Variants in CA10 observed in about 807,000 individuals in gnomAD.
CA10 encodes carbonic anhydrase 10 (inactive).
In CA10, 14 loss-of-function variants were observed where a neutral mutation model predicts 44.2. That is an observed-to-expected ratio of 0.32 (90% CI 0.21 to 0.50). The LOEUF (loss-of-function observed/expected upper bound fraction) is 0.50. Among genes scored for constraint, CA10 ranks in the 20% least tolerant of loss-of-function variants. CA10 has a pLI of 0.99. For missense variants in CA10, 350 were observed against 409.7 expected, an observed-to-expected ratio of 0.85 and a Z score of 1.26; for synonymous variants, 159 against 141.6, an observed-to-expected ratio of 1.12 and a Z score of -0.87.
rs1260997535 is a variant in CA10, at chr17:51,869,350, T to C, written c.279+61640A>G. Among the ~76,000 whole-genome samples the C allele has an allele frequency of 6.6e-5, 10 of 152,286 alleles. No individual in the cohort carries two copies. The East Asian group carries it at 9.7e-4, about 15-fold the overall frequency. ...GGTCAGAAAGCCTAAGAGCTGGTCT[T>C]CCTGGTCCTGCCATCAACTCACTTT... On this transcript the variant is annotated intron_variant, in intron 3 of 8. Transcript: ENST00000451037.
rs186589294 is a variant in CA10 at position 52,147,539 on chromosome 17, G to A, written c.61+10187C>T. Among the ~76,000 whole-genome samples the A allele has an allele frequency of 1.4e-4, 21 of 147,534 alleles. No homozygotes were observed. The East Asian group carries it at 3.5e-3, about 25-fold the overall frequency. ...CTAACTTATACACTTAAAATTGCATGTGGCTCTCATTCAACCAATAAAACT... is the reference window on the plus strand; with the variant it reads ...CTAACTTATACACTTAAAATTGCATATGGCTCTCATTCAACCAATAAAACT... On this transcript the variant is annotated intron_variant, in intron 1 of 8. Transcript: ENST00000451037.
intron 4 of CA10, among the ~76,000 whole-genome samples, chr17:51,705,764 G>A (rs1338678627): frequency 6.6e-6 from 1 of 152,140 alleles, no homozygotes; most frequent in Non-Finnish European, 1.5e-5. Flanking sequence ...AACCAAAATG[G>A]ATGCAACAAT....
At chr17:51,916,943 C>A (rs549552164) in intron 3 of CA10, among the ~76,000 whole-genome samples, 1 of 152,282 alleles carries the variant, frequency 6.6e-6, no homozygotes, top group East Asian at 1.9e-4. Flanking sequence ...CTGAGGCTTT[C>A]TTTCCAACAC....
chr17:51,911,057 G>A (rs374776981), intron 3 of CA10, among the ~76,000 whole-genome samples: 4 of 152,254 alleles, frequency 2.6e-5, no homozygotes, highest in Admixed American at 6.5e-5. Flanking sequence ...AAGTGGAGAC[G>A]GCTGTGGGCC....
intron 3 of CA10, among the ~76,000 whole-genome samples, chr17:51,794,061 G>C (rs1906619071): frequency 6.6e-6 from 1 of 152,242 alleles, no homozygotes; most frequent in South Asian, 2.1e-4. Flanking sequence ...GAACTAGGCA[G>C]GACAGATATT....
intron 3 of CA10, among the ~76,000 whole-genome samples, chr17:51,835,592 G>A (rs949670208): frequency 7.9e-5 from 12 of 152,154 alleles, no homozygotes; most frequent in East Asian, 1.9e-4. Context: ...GTTATCTTTC[G>A]ATTCAACAAA....
chr17:52,100,867 G>A (rs547288142), intron 1 of CA10, among the ~76,000 whole-genome samples: 1 of 152,292 alleles, frequency 6.6e-6, no homozygotes, highest in African/African-American at 2.4e-5. Context: ...GGTCTTTCTT[G>A]TACTGTATTA....
intron 3 of CA10, among the ~76,000 whole-genome samples, chr17:51,890,952 C>A (rs1334011688): frequency 6.6e-6 from 1 of 150,958 alleles, no homozygotes; most frequent in Non-Finnish European, 1.5e-5. Context: ...GCACTGCAAA[C>A]AAGGCCATAT....
intron 2 of CA10, among the ~76,000 whole-genome samples, chr17:52,007,385 C>T (rs955767287): frequency 1.3e-5 from 2 of 151,496 alleles, no homozygotes; most frequent in African/African-American, 2.4e-5. Context: ...TTGGTGGATA[C>T]TCTTCAATAG....
At chr17:51,663,286 A>T (rs111725303) in intron 4 of CA10, among the ~76,000 whole-genome samples, 11 of 4,494 alleles carry the variant, frequency 2.4e-3, no homozygotes, top group African/African-American at 0.013. Flanking sequence ...AACTTCTTAT[A>T]AAGGAGCTGC....
intron 4 of CA10, among the ~76,000 whole-genome samples, chr17:51,684,802 T>C (rs1914955659): frequency 6.6e-6 from 1 of 152,168 alleles, no homozygotes; most frequent in Admixed American, 6.5e-5. Flanking sequence ...TTTGATTATA[T>C]CTCACTCCTC....
intron 4 of CA10, among the ~76,000 whole-genome samples, chr17:51,688,038 C>T (rs1039700464): frequency 3.9e-5 from 6 of 152,162 alleles, no homozygotes; most frequent in African/African-American, 1.4e-4. Flanking sequence ...TTCTTATGCT[C>T]CCTTGGATCA....
chr17:51,797,588 G>T (rs1258141514), intron 3 of CA10, among the ~76,000 whole-genome samples: 1 of 152,106 alleles, frequency 6.6e-6, no homozygotes, highest in Non-Finnish European at 1.5e-5. Flanking sequence ...AGGCGCAGTG[G>T]CTCACACCTG....
rs1033258203 is a variant in CA10, at chr17:52,125,067, A to T, written c.61+32659T>A. 1.3e-5 allele frequency among the ~76,000 whole-genome samples: 2 copies of T among 152,176 alleles called. 1 individual carries two copies. The highest frequency in any genetic ancestry group is 4.8e-5 in the African/African-American group (2 of 41,436). Reference sequence around the variant, plus strand: ...CTCTCCTCACAGCTTTTGCACACACAGCTCCCTCTGCCTCCCTCATCACTT... The same window carrying T: ...CTCTCCTCACAGCTTTTGCACACACTGCTCCCTCTGCCTCCCTCATCACTT... On this transcript the variant is annotated intron_variant, in intron 1 of 8. Transcript: ENST00000451037.
At chr17:51,784,910 C>A (rs1031838605) in intron 3 of CA10, among the ~76,000 whole-genome samples, 1 of 152,128 alleles carries the variant, frequency 6.6e-6, no homozygotes, top group Non-Finnish European at 1.5e-5. Context: ...CCATCTGGAC[C>A]ACCCCGAAGT....
chr17:51,811,864 A>G (rs1020202822), intron 3 of CA10, among the ~76,000 whole-genome samples: 2 of 152,200 alleles, frequency 1.3e-5, no homozygotes, highest in African/African-American at 2.4e-5. Context: ...TTACTAGGAT[A>G]TGCAATCTTA....
intron 4 of CA10, among the ~76,000 whole-genome samples, chr17:51,713,686 C>T (rs181806598): frequency 6.6e-5 from 10 of 152,298 alleles, no homozygotes; most frequent in Non-Finnish European, 1.2e-4. Flanking sequence ...CCCTTCCTTT[C>T]CTTTGAATAA....
intron 4 of CA10, among the ~76,000 whole-genome samples, chr17:51,686,170 C>A (rs1915004028): frequency 6.6e-6 from 1 of 152,110 alleles, no homozygotes; most frequent in Non-Finnish European, 1.5e-5. Context: ...ATGGGAGTAA[C>A]CCTGCACAAG....
In CA10 at chr17:51,709,848, A is replaced by T. The variant is rs570067537; in HGVS notation, c.465+37785T>A. Reference sequence around the variant, plus strand: ...GGCCCCACAGTACACAGAAGTACACAGAAAACAAGAGCTCCTTGCTGCGTG... The same window carrying T: ...GGCCCCACAGTACACAGAAGTACACTGAAAACAAGAGCTCCTTGCTGCGTG... On this transcript the variant is annotated intron_variant, in intron 4 of 8. Transcript: ENST00000451037. 3.9e-5 allele frequency among the ~76,000 whole-genome samples: 6 copies of T among 152,336 alleles called. No homozygotes were observed. The South Asian group carries it at 1.0e-3, about 26-fold the overall frequency.
Sources: allele counts gnomAD v4.1 joint callset (sites outside exome capture counted in the v4.1 genomes callset), GRCh38; gene constraint gnomAD v4.1.1; transcripts MANE v1.5; gene names NCBI Gene and HGNC (gene_info 2026-07-23, HGNC 2026-07-21).